Variants in FMN1 observed in about 807,000 individuals in gnomAD.
The protein encoded by FMN1 is formin 1.
In FMN1, 110 loss-of-function variants were observed where a neutral mutation model predicts 132.4. The observed-to-expected ratio is 0.83, with a 90% CI of 0.71 to 0.97. The LOEUF (loss-of-function observed/expected upper bound fraction) is 0.97, where lower values mean the gene tolerates loss of function less well. Among genes scored for constraint, FMN1 ranks in the 50% least tolerant of loss-of-function variants. The pLI is 0.00. For missense variants in FMN1, 1,792 were observed against 1,705.3 expected (o/e 1.05, Z -0.90); for synonymous variants, 722 against 651.7 (o/e 1.11, Z -1.64).
chr15:33,150,332 A>G (rs1040771231), intron 4 of FMN1: 2 of 985,358 alleles, frequency 2.0e-6, no homozygotes, highest in South Asian at 4.7e-5. Context: ...AACATTCCAC[A>G]TCAGTCTCCA....
intron 19 of FMN1, among the ~76,000 whole-genome samples, chr15:32,792,437 T>A (rs1001267706): frequency 6.7e-6 from 1 of 149,186 alleles, no homozygotes; most frequent in Non-Finnish European, 1.5e-5. Flanking sequence ...AGAGCAAGAC[T>A]CTGTCTCAAA....
chr15:33,021,619 A>C (rs2035421353), intron 6 of FMN1, among the ~76,000 whole-genome samples: 1 of 152,198 alleles, frequency 6.6e-6, no homozygotes, highest in African/African-American at 2.4e-5. Context: ...TCGTGGCTAT[A>C]TCTCTGACTT....
At chr15:32,876,070 A>C (rs1450083086) in intron 16 of FMN1, among the ~76,000 whole-genome samples, 1 of 152,194 alleles carries the variant, frequency 6.6e-6, no homozygotes, top group Non-Finnish European at 1.5e-5. Flanking sequence ...AAACCAAAAA[A>C]ACAGGAAATA....
Position 33,038,369 on chromosome 15 carries a change from G to A in FMN1, c.2161+26588C>T, listed in dbSNP as rs1040415007. On this transcript the variant is annotated intron_variant, in intron 6 of 20. Transcript: ENST00000616417. ...TGACCTAATTTGGAGTTAACATTCA[G>A]AAGTTTTACATGGTTCTTTTTCATC... Among the ~76,000 whole-genome samples the A allele has an allele frequency of 8.5e-5, 13 of 152,208 alleles. No individual in the cohort carries two copies. The South Asian group carries it at 1.4e-3, about 17-fold the overall frequency.
intron 16 of FMN1, among the ~76,000 whole-genome samples, chr15:32,864,080 G>T (rs1245067885): frequency 6.6e-6 from 1 of 152,180 alleles, no homozygotes; most frequent in African/African-American, 2.4e-5. Flanking sequence ...GCACAAATGA[G>T]AAGGTACTAT....
At chr15:33,067,198 G>GCGA in intron 5 of FMN1, 1 of 1,613,526 alleles carries the variant, frequency 6.2e-7, no homozygotes, top group Non-Finnish European at 8.5e-7. Flanking sequence ...CCTGGCTGGG[G>GCGA]CGACGCTCTG....
rs555760509 is a variant in FMN1 at position 33,024,223 on chromosome 15, A to ATTT, written c.2162-16151_2162-16149dup. Among the ~76,000 whole-genome samples the ATTT allele has an allele frequency of 2.8e-3, 245 of 88,004 alleles. 30 individuals are homozygous for ATTT. The highest frequency in any genetic ancestry group is 4.0e-3 in the Non-Finnish European group (184 of 46,570). 57.7% of individuals were successfully genotyped at this position (88,004 alleles called of 152,430 possible). Reference sequence around the variant, plus strand: ...GGGAATACTATTTCACACCTATCAGATTTTTTTTTTTTTTTTTTTTTTTTT... The same window carrying ATTT: ...GGGAATACTATTTCACACCTATCAGATTTTTTTTTTTTTTTTTTTTTTTTTTTT... On this transcript the variant is annotated intron_variant, in intron 6 of 20. Coordinates refer to ENST00000616417, the MANE Select transcript of FMN1 (RefSeq NM_001277313.2).
At chr15:32,892,578 A>C (rs347932) in intron 15 of FMN1, among the ~76,000 whole-genome samples, 1 of 152,004 alleles carries the variant, frequency 6.6e-6, no homozygotes, top group South Asian at 2.1e-4. Flanking sequence ...TTCATAAAAT[A>C]AATTAGGGAG....
chr15:33,047,240 A>G (rs1305097118), intron 6 of FMN1, among the ~76,000 whole-genome samples: 1 of 152,004 alleles, frequency 6.6e-6, no homozygotes, highest in African/African-American at 2.4e-5. Context: ...TCTCTTAGTT[A>G]CCTTTGAAGA....
At chr15:32,839,612 T>C (rs568115722) in intron 17 of FMN1, among the ~76,000 whole-genome samples, 1 of 152,184 alleles carries the variant, frequency 6.6e-6, no homozygotes, top group South Asian at 2.1e-4. Flanking sequence ...AAGCTTGGCT[T>C]CTTGAGACAA....
chr15:32,920,282 A>G (rs569493826), intron 10 of FMN1, among the ~76,000 whole-genome samples: 3 of 152,316 alleles, frequency 2.0e-5, no homozygotes, highest in African/African-American at 7.2e-5. Context: ...GCTTTTAAAT[A>G]TAAGTCATCC....
At chr15:33,069,753 T>C (rs2037911461) in intron 5 of FMN1, among the ~76,000 whole-genome samples, 1 of 152,218 alleles carries the variant, frequency 6.6e-6, no homozygotes, top group Admixed American at 6.5e-5. Flanking sequence ...TGATTTGATC[T>C]TGTGTTTTAA....
intron 12 of FMN1, among the ~76,000 whole-genome samples, chr15:32,906,948 C>T (rs10519764): frequency 0.25 from 37,767 of 152,006 alleles, 5,128 homozygotes; most frequent in Non-Finnish European, 0.31. Context: ...GTAGGTTTGT[C>T]GTCAACTGAG....
At chr15:33,019,888 G>A (rs1169316089) in intron 6 of FMN1, among the ~76,000 whole-genome samples, 3 of 152,198 alleles carry the variant, frequency 2.0e-5, no homozygotes, top group Admixed American at 1.3e-4. Flanking sequence ...GGAGGGAGCC[G>A]GCTCCGGCCT....
At chr15:32,882,469 G>A (rs183000397) in intron 16 of FMN1, among the ~76,000 whole-genome samples, 90 of 152,222 alleles carry the variant, frequency 5.9e-4, no homozygotes, top group African/African-American at 2.0e-3. Context: ...ATGGACACAC[G>A]CCACACCCTT....
intron 3 of FMN1, among the ~76,000 whole-genome samples, chr15:33,172,221 G>A (rs201524741): frequency 0.055 from 8,257 of 150,540 alleles, 316 homozygotes; most frequent in East Asian, 0.12. Context: ...AAAAAAAAAA[G>A]AAAAGAAAGA....
Position 33,127,916 on chromosome 15 carries a change from A to G in FMN1, c.1867+25132T>C, listed in dbSNP as rs1372452437. Among the ~76,000 whole-genome samples the G allele has an allele frequency of 4.3e-5, 6 of 140,292 alleles. No homozygotes were observed. The Admixed American group carries it at 4.5e-4, about 10-fold the overall frequency. The allele number at this position is 140,292 out of a possible 152,430, so 92.0% of individuals were successfully genotyped here. A position where few individuals can be genotyped will look rare whatever the true frequency, so the allele number is the denominator to read the frequency against. ...TCTTTATTCTACAACAAATGGAGAC[A>G]GATGGAAATAGAAGAAGAGGCAGCA... On this transcript the variant is annotated intron_variant, in intron 4 of 20. Transcript: ENST00000616417.
chr15:33,004,262 C>T (rs113636196), intron 7 of FMN1, among the ~76,000 whole-genome samples: 13,368 of 152,178 alleles, frequency 0.088, 694 homozygotes, highest in Non-Finnish European at 0.12. Flanking sequence ...AGGCAACCTA[C>T]AGAATGGGAG....
chr15:32,772,944 T>C lies in FMN1; in HGVS notation c.*1366A>G, dbSNP rs1321851932. On this transcript the variant is annotated 3_prime_UTR_variant, in exon 21 of 21. Coordinates refer to ENST00000616417, the MANE Select transcript of FMN1 (RefSeq NM_001277313.2). ...GGCTGGATCAGGAAGGAATTTAAGA[T>C]TTCTGCTCATCTCTGGACTGTCCTC... The C allele has an allele frequency of 6.6e-6, 1 of 152,200 alleles. No individual in the cohort carries two copies. Among genetic ancestry groups the C allele is most frequent in the Non-Finnish European group, 1.5e-5 (1 of 68,158 alleles). 9.4% of individuals were successfully genotyped at this position (152,200 alleles called of 1,614,324 possible). A position where few individuals can be genotyped will look rare whatever the true frequency, so the allele number is the denominator to read the frequency against.
Sources: gnomAD v4.1 joint callset for allele counts (sites outside exome capture counted in the v4.1 genomes callset) on GRCh38, gnomAD v4.1.1 for gene constraint, MANE v1.5 for transcripts, NCBI Gene and HGNC (gene_info 2026-07-23, HGNC 2026-07-21) for gene names.